Variants in AGPAT3 observed in about 807,000 individuals in gnomAD.
AGPAT3 encodes the protein 1-acyl-sn-glycerol-3-phosphate acyltransferase gamma.
In AGPAT3, 5 loss-of-function variants were observed where a neutral mutation model predicts 47.3. The ratio of observed to expected loss-of-function variants is 0.11; its 90% CI spans 0.06 to 0.22. The LOEUF (loss-of-function observed/expected upper bound fraction) is 0.22, where lower values mean the gene tolerates loss of function less well. AGPAT3 is among the 10% of genes least tolerant of loss of function. The pLI is 1.00. For synonymous variants in AGPAT3, 212 were observed against 208.3 expected (o/e 1.02, Z -0.15); for missense variants, 315 against 493.0 (o/e 0.64, Z 3.42).
At chr21:43,893,658 C>T (rs1391292784) in intron 1 of AGPAT3, among the ~76,000 whole-genome samples, 1 of 152,126 alleles carries the variant, frequency 6.6e-6, no homozygotes, top group Non-Finnish European at 1.5e-5. Context: ...ACTTACAGGC[C>T]ATCAGAGGGT....
chr21:43,935,309 C>T (rs895504501), intron 2 of AGPAT3, among the ~76,000 whole-genome samples: 15 of 152,260 alleles, frequency 9.9e-5, no homozygotes, highest in African/African-American at 3.4e-4. Flanking sequence ...AGCTGGGACC[C>T]AGGGGCAGCA....
At position 43,955,344 on chromosome 21, in the gene AGPAT3, G is replaced by C; in HGVS notation, c.-48-4290G>C. 1.2e-6 allele frequency: 1 copy of C among 839,826 alleles called. No homozygotes were observed. Among genetic ancestry groups the C allele is most frequent in the Non-Finnish European group, 1.5e-6 (1 of 653,202 alleles). 52.0% of individuals were successfully genotyped at this position (839,826 alleles called of 1,614,324 possible). ...CCTGTTGCAGTGTGGTGGGGTCACA[G>C]GCGGCTTAGCTTGTCAACACCCATA... On this transcript the variant is annotated intron_variant, in intron 2 of 9. Transcript: ENST00000291572. The surrounding 1 kb of genome is among the most constrained non-coding windows in gnomAD (Gnocchi z 4.1).
At chr21:43,926,070 C>T (rs1027406891) in intron 2 of AGPAT3, among the ~76,000 whole-genome samples, 6 of 152,240 alleles carry the variant, frequency 3.9e-5, no homozygotes, top group African/African-American at 7.2e-5. Context: ...TAAAACACAT[C>T]GTTAAAGTTA....
intron 1 of AGPAT3, among the ~76,000 whole-genome samples, chr21:43,897,400 C>T (rs2086245215): frequency 1.3e-5 from 2 of 152,006 alleles, no homozygotes; most frequent in South Asian, 2.1e-4. Flanking sequence ...TTTCTTTTCC[C>T]CACATTTCCC....
chr21:43,926,021 A>C (rs541111729), intron 2 of AGPAT3, among the ~76,000 whole-genome samples: 2 of 152,382 alleles, frequency 1.3e-5, no homozygotes, highest in East Asian at 3.9e-4. Flanking sequence ...TCAGTGTCCG[A>C]TGGAGAAGTC....
chr21:43,942,295 G>A (rs80082143), intron 2 of AGPAT3, among the ~76,000 whole-genome samples: 1,684 of 152,304 alleles, frequency 0.011, 35 homozygotes, highest in African/African-American at 0.037. Context: ...TAATAGGAGC[G>A]ATTCTGCATT....
In AGPAT3 at chr21:43,970,931, CAAGT is replaced by C. The variant is rs1329735967; in HGVS notation, c.664+126_664+129del. ...AGAAGAACAGAAGTGCAAAAGGAAT[CAAGT>C]GAGGGGGTCGGCGCCGCAAGGTTCC... On this transcript the variant is annotated intron_variant, in intron 6 of 9. Coordinates refer to ENST00000291572, the MANE Select transcript of AGPAT3 (RefSeq NM_020132.5). This position sits in a 1 kb window ranked among gnomAD's most constrained non-coding sequence, Gnocchi z 5.8. 8.6e-7 allele frequency: 1 copy of C among 1,162,622 alleles called. No individual in the cohort carries two copies. Among genetic ancestry groups the C allele is most frequent in the African/African-American group, 1.6e-5 (1 of 62,696 alleles). 72.0% of individuals were successfully genotyped at this position (1,162,622 alleles called of 1,614,324 possible). A position where few individuals can be genotyped will look rare whatever the true frequency, so the allele number is the denominator to read the frequency against.
rs1208816563 is a variant in AGPAT3, at chr21:43,970,664, C to T, written c.522C>T (p.Tyr174=). 2 of 1,613,704 alleles carry T rather than the reference C, an allele frequency of 1.2e-6. No individual in the cohort carries two copies. Among genetic ancestry groups the T allele is most frequent in the Non-Finnish European group, 1.7e-6 (2 of 1,179,860 alleles). Residue 174 remains tyrosine (Y), a synonymous_variant, in exon 6 of 10, where the codon TAC becomes TAT. Coordinates refer to ENST00000291572, the MANE Select transcript of AGPAT3 (RefSeq NM_020132.5). The surrounding 1 kb of genome is among the most constrained non-coding windows in gnomAD (Gnocchi z 5.8). Reference sequence around the variant, plus strand: ...CGTGTTGATCCTAGTTTCTCCTGTACTGCGAGGGGACGCGCTTCACGGAGA... The same window carrying T: ...CGTGTTGATCCTAGTTTCTCCTGTATTGCGAGGGGACGCGCTTCACGGAGA... The part of the protein sequence containing the change: ...DYPEYMWFLL[Y]CEGTRFTETK...
Position 43,970,785 on chromosome 21 carries a change from G to A in AGPAT3, c.643G>A (p.Val215Ile). ...GCGGACCAAGGGCTTCACCACCGCA[G>A]TCAAGTGCCTCCGGGGGACAGGTAG... is the stretch of plus-strand genomic sequence containing the variant. ...LPRTKGFTTA[V>I]KCLRGTVAAV... is the part of the protein sequence containing the mutation. Residue 215 changes from valine (V) to isoleucine (I), a missense_variant, in exon 6 of 10, where the codon GTC (valine) becomes ATC (isoleucine). Val to Ile is a conservative substitution (Grantham distance 29, BLOSUM62 3). Coordinates refer to ENST00000291572, the MANE Select transcript of AGPAT3 (RefSeq NM_020132.5). This position sits in a 1 kb window ranked among gnomAD's most constrained non-coding sequence, Gnocchi z 5.8. 6.3e-7 allele frequency: 1 copy of A among 1,592,600 alleles called. No homozygotes were observed. The highest frequency in any genetic ancestry group is 8.6e-7 in the Non-Finnish European group (1 of 1,164,830).
intron 2 of AGPAT3, among the ~76,000 whole-genome samples, chr21:43,959,340 GTGTGTGTGGTA>G (rs956713556): frequency 7.7e-5 from 10 of 129,346 alleles, no homozygotes; most frequent in Non-Finnish European, 1.5e-4. Context: ...TGTGTGTGGC[GTGTGTGTGGTA>G]TGTGTGTGGC....
At chr21:43,967,807 C>A in intron 3 of AGPAT3, 139 bp from the exon 4 acceptor site, 1 of 780,384 alleles carries the variant, frequency 1.3e-6, no homozygotes, top group South Asian at 1.9e-5. Context: ...AAAACGTACT[C>A]AGTGTAAGTC....
At position 43,932,484 on chromosome 21, in the gene AGPAT3, G is replaced by A. The variant is rs1210825856; in HGVS notation, c.-48-27150G>A. Among the ~76,000 whole-genome samples, 2 of 152,182 alleles carry A rather than the reference G, an allele frequency of 1.3e-5. No individual in the cohort carries two copies. The highest frequency in any genetic ancestry group is 4.8e-5 in the African/African-American group (2 of 41,428). ...GAATAATAACACGGCGTTACGCACC[G>A]CACGCTCGCTATCCATTCGTCTGTT... On this transcript the variant is annotated intron_variant, in intron 2 of 9. Transcript: ENST00000291572. The surrounding 1 kb of genome is among the most constrained non-coding windows in gnomAD (Gnocchi z 5.2).
At chr21:43,935,236 G>A (rs1446355873) in intron 2 of AGPAT3, among the ~76,000 whole-genome samples, 2 of 152,268 alleles carry the variant, frequency 1.3e-5, no homozygotes, top group African/African-American at 4.8e-5. Flanking sequence ...GGGCCGTGTG[G>A]TGGCCTTGCG....
intron 1 of AGPAT3, among the ~76,000 whole-genome samples, chr21:43,900,795 G>A (rs570662139): frequency 2.0e-5 from 3 of 152,074 alleles, no homozygotes; most frequent in South Asian, 2.1e-4. Context: ...ACAAAGGTCC[G>A]CTCAGGACTC....
At chr21:43,949,061 T>C (rs761630846) in intron 2 of AGPAT3, among the ~76,000 whole-genome samples, 2 of 152,242 alleles carry the variant, frequency 1.3e-5, no homozygotes, top group African/African-American at 2.4e-5. Flanking sequence ...ATTTTCTTGT[T>C]CTTTTTCATG....
At chr21:43,882,798 G>T (rs773081282) in intron 1 of AGPAT3, among the ~76,000 whole-genome samples, 22 of 152,214 alleles carry the variant, frequency 1.4e-4, no homozygotes, top group Non-Finnish European at 2.9e-4. Flanking sequence ...CTGGTCTTGG[G>T]GGGTGGTGCC....
At chr21:43,914,807 A>C (rs1246934105) in intron 2 of AGPAT3, among the ~76,000 whole-genome samples, 1 of 152,144 alleles carries the variant, frequency 6.6e-6, no homozygotes, top group Non-Finnish European at 1.5e-5. Flanking sequence ...CTCCCAAAGC[A>C]CTGTTATCAC....
At position 43,984,294 on chromosome 21, in the gene AGPAT3, TCCTC is replaced by T. The variant is rs2030025968; in HGVS notation, c.*1903_*1906del. 6.6e-6 allele frequency: 1 copy of T among 152,324 alleles called. No homozygotes were observed. The highest frequency in any genetic ancestry group is 1.5e-5 in the Non-Finnish European group (1 of 68,104). The allele number at this position is 152,324 out of a possible 1,614,324, so 9.4% of individuals were successfully genotyped here. ...GCACCCCAGAGATTCTCCTGCACCT[TCCTC>T]ATGCCGCACGCTGCTCATCCGTCTC... is the stretch of plus-strand genomic sequence containing the variant. On this transcript the variant is annotated 3_prime_UTR_variant, in exon 10 of 10. Transcript: ENST00000291572.
At chr21:43,909,145 G>A (rs962873318) in intron 2 of AGPAT3, among the ~76,000 whole-genome samples, 6 of 152,140 alleles carry the variant, frequency 3.9e-5, no homozygotes, top group African/African-American at 1.2e-4. Flanking sequence ...GGCTCCTCCC[G>A]GGTCTGGGTG....
Sources: gnomAD v4.1 joint callset for allele counts (sites outside exome capture counted in the v4.1 genomes callset) on GRCh38, gnomAD v4.1.1 for gene constraint, Gnocchi (gnomAD v3.1) non-coding constraint, MANE v1.5 for transcripts, NCBI Gene and HGNC (gene_info 2026-07-23, HGNC 2026-07-21) for gene names.